FCHSD2: variants seen among roughly 807,000 people sequenced by gnomAD.
The protein encoded by FCHSD2 is F-BAR and double SH3 domains protein 2.
In FCHSD2, 38 loss-of-function variants were observed where a neutral mutation model predicts 108.1. That is an observed-to-expected ratio of 0.35 (90% CI 0.27 to 0.46). FCHSD2 has a LOEUF of 0.46. Ranked by LOEUF, FCHSD2 falls within the 20% of genes least tolerant of loss-of-function variation. The pLI, the probability that FCHSD2 is intolerant of heterozygous loss-of-function variation, is 1.00. For synonymous variants in FCHSD2, 279 were observed against 314.7 expected (o/e 0.89, Z 1.20); for missense variants, 751 against 897.8 (o/e 0.84, Z 2.09).
At chr11:73,139,287 A>T (rs1465034491) in intron 2 of FCHSD2, among the ~76,000 whole-genome samples, 1 of 152,242 alleles carries the variant, frequency 6.6e-6, no homozygotes, top group Non-Finnish European at 1.5e-5. Flanking sequence ...CAATTTGATA[A>T]ATGTATTATA....
chr11:72,885,763 G>T (rs151288942), intron 12 of FCHSD2, among the ~76,000 whole-genome samples: 4 of 152,304 alleles, frequency 2.6e-5, no homozygotes, highest in Non-Finnish European at 5.9e-5. Flanking sequence ...GTTTCTTAGA[G>T]TAGATGAGGG....
Position 73,012,378 on chromosome 11 carries a change from A to G in FCHSD2, c.242+3431T>C, listed in dbSNP as rs1362277580. On this transcript the variant is annotated intron_variant, in intron 4 of 19. Coordinates refer to ENST00000409418, the MANE Select transcript of FCHSD2 (RefSeq NM_014824.3). ...AAAAAAATGTGAAAGAAAAGACCAC[A>G]CACTTGTAATAGCAATTACCCTAGG... 2.0e-5 allele frequency among the ~76,000 whole-genome samples: 3 copies of G among 152,200 alleles called. No individual in the cohort carries two copies. The East Asian group carries it at 5.8e-4, about 29-fold the overall frequency.
rs1861015977 is a variant in FCHSD2, at chr11:72,843,142, A to G, written c.1705+9T>C. On this transcript the variant is annotated intron_variant, in intron 16 of 19. Transcript: ENST00000409418. ...GACCAAATAAAGAGTGCCTTGTTTC[A>G]GTCTTTACCACTGGCATCTCCGTTG... 2 of 1,613,546 alleles carry G rather than the reference A, an allele frequency of 1.2e-6. No homozygotes were observed.
intron 2 of FCHSD2, among the ~76,000 whole-genome samples, chr11:73,110,963 T>C (rs1860469965): frequency 6.6e-6 from 1 of 152,226 alleles, no homozygotes; most frequent in Non-Finnish European, 1.5e-5. Context: ...TTAATTTCCA[T>C]GTGGTTATAT....
chr11:73,133,360 A>C (rs1486627718), intron 2 of FCHSD2, among the ~76,000 whole-genome samples: 1 of 152,240 alleles, frequency 6.6e-6, no homozygotes, highest in East Asian at 1.9e-4. Flanking sequence ...AAGTAGAAAC[A>C]ACCCATATCT....
chr11:73,010,046 G>C (rs1447625044), intron 4 of FCHSD2, among the ~76,000 whole-genome samples: 1 of 151,954 alleles, frequency 6.6e-6, no homozygotes, highest in Non-Finnish European at 1.5e-5. Flanking sequence ...ATGTGTATTT[G>C]GTCACTTTAT....
chr11:72,858,420 T>C (rs1272637325), intron 13 of FCHSD2, among the ~76,000 whole-genome samples: 1 of 152,232 alleles, frequency 6.6e-6, no homozygotes, highest in South Asian at 2.1e-4. Context: ...ATATACACCA[T>C]GGAATACTAT....
chr11:72,841,364 A>AAAAAT, intron 18 of FCHSD2, 90 bp downstream of exon 18: 2 of 1,000,856 alleles, frequency 2.0e-6, no homozygotes, highest in Non-Finnish European at 2.8e-6. Context: ...AAAAAAAAAA[A>AAAAAT]GCAAATGCAG....
intron 2 of FCHSD2, among the ~76,000 whole-genome samples, chr11:73,133,992 T>C (rs1565106780): frequency 6.7e-6 from 1 of 149,258 alleles, no homozygotes; most frequent in East Asian, 2.0e-4. Context: ...TACAATCCTA[T>C]AAAAAAAAAG....
chr11:72,936,420 G>GT lies in FCHSD2; in HGVS notation c.706-14471dup, dbSNP rs916436673. ...TTCTATGTACCATTTTAATTCCCTTGTTTTTTTTACTATATATTTTGGCAT... is the reference window on the plus strand; with the variant it reads ...TTCTATGTACCATTTTAATTCCCTTGTTTTTTTTTACTATATATTTTGGCAT... On this transcript the variant is annotated intron_variant, in intron 8 of 19. Transcript: ENST00000409418. Among the ~76,000 whole-genome samples the GT allele has an allele frequency of 1.1e-4, 17 of 151,876 alleles. 1 individual carries two copies. Among genetic ancestry groups the GT allele is most frequent in the South Asian group, 2.1e-4 (1 of 4,824 alleles).
chr11:72,981,713 C>T (rs1292340953), intron 8 of FCHSD2, among the ~76,000 whole-genome samples: 1 of 152,202 alleles, frequency 6.6e-6, no homozygotes, highest in Admixed American at 6.5e-5. Flanking sequence ...CAGTAGCTCA[C>T]CCCTATAATC....
chr11:72,895,132 T>A (rs935507610), intron 10 of FCHSD2, among the ~76,000 whole-genome samples: 3 of 152,160 alleles, frequency 2.0e-5, no homozygotes, highest in African/African-American at 7.2e-5. Context: ...TGGAAAGAAG[T>A]GGGAACTCAT....
chr11:72,852,246 A>G (rs1331743277), intron 13 of FCHSD2, among the ~76,000 whole-genome samples: 2 of 152,196 alleles, frequency 1.3e-5, no homozygotes, highest in African/African-American at 2.4e-5. Flanking sequence ...CGTTATGGAA[A>G]AAAGGGACGC....
intron 2 of FCHSD2, among the ~76,000 whole-genome samples, chr11:73,104,911 A>G (rs1840005193): frequency 6.6e-6 from 1 of 152,156 alleles, no homozygotes; most frequent in Non-Finnish European, 1.5e-5. Context: ...GAAAATCTAT[A>G]TTTTACAATA....
intron 12 of FCHSD2, among the ~76,000 whole-genome samples, chr11:72,879,592 T>A (rs143979928): frequency 6.6e-6 from 1 of 152,122 alleles, no homozygotes; most frequent in Non-Finnish European, 1.5e-5. Flanking sequence ...ATAGAACTTA[T>A]AGAGCTAAAA....
At chr11:73,062,819 A>G (rs947502153) in intron 3 of FCHSD2, among the ~76,000 whole-genome samples, 1 of 152,260 alleles carries the variant, frequency 6.6e-6, no homozygotes, top group African/African-American at 2.4e-5. Context: ...TGATTGGTGT[A>G]TCTGAAAGGG....
intron 8 of FCHSD2, among the ~76,000 whole-genome samples, chr11:72,971,506 G>A (rs1857006232): frequency 6.6e-6 from 1 of 152,166 alleles, no homozygotes; most frequent in African/African-American, 2.4e-5. Flanking sequence ...AAAAAAGTCA[G>A]AAATTCAAAA....
chr11:73,043,650 G>A (rs1325838619), intron 3 of FCHSD2, among the ~76,000 whole-genome samples: 1 of 152,108 alleles, frequency 6.6e-6, no homozygotes, highest in Non-Finnish European at 1.5e-5. Flanking sequence ...TCTTTTCCAA[G>A]GCATATACAT....
intron 3 of FCHSD2, among the ~76,000 whole-genome samples, chr11:73,031,826 G>A (rs568020525): frequency 2.0e-5 from 3 of 152,238 alleles, no homozygotes; most frequent in Non-Finnish European, 4.4e-5. Flanking sequence ...GCCTGGAAAA[G>A]GCATATGCAT....
Sources: gnomAD v4.1 joint callset for allele counts (sites outside exome capture counted in the v4.1 genomes callset) on GRCh38, gnomAD v4.1.1 for gene constraint, MANE v1.5 for transcripts, NCBI Gene and HGNC (gene_info 2026-07-23, HGNC 2026-07-21) for gene names.